UST: variants seen among roughly 807,000 people sequenced by gnomAD.
UST encodes uronyl 2-sulfotransferase.
A neutral mutation model predicts 45.6 loss-of-function variants in UST; 21 were observed. The ratio of observed to expected loss-of-function variants is 0.46; its 90% CI spans 0.33 to 0.66. The LOEUF is 0.66. Ranked by LOEUF, UST falls within the 30% of genes least tolerant of loss-of-function variation. The pLI is 0.02. For missense variants in UST, 463 were observed against 512.4 expected, an observed-to-expected ratio of 0.90 and a Z score of 0.93; for synonymous variants, 215 against 200.6, an observed-to-expected ratio of 1.07 and a Z score of -0.61.
At chr6:148,848,357 A>G (rs1451445729) in intron 1 of UST, among the ~76,000 whole-genome samples, 2 of 152,144 alleles carry the variant, frequency 1.3e-5, no homozygotes, top group Admixed American at 6.5e-5. Flanking sequence ...ACTAAGCACA[A>G]AGGCTTATTT....
intron 5 of UST, among the ~76,000 whole-genome samples, chr6:148,982,435 A>G (rs1781156887): frequency 6.6e-6 from 1 of 152,132 alleles, no homozygotes; most frequent in Non-Finnish European, 1.5e-5. Flanking sequence ...AGTCCCATTC[A>G]CAAGGGAAGA....
At chr6:149,057,984 G>A (rs894989652) in intron 7 of UST, among the ~76,000 whole-genome samples, 9 of 152,106 alleles carry the variant, frequency 5.9e-5, no homozygotes, top group African/African-American at 2.2e-4. Flanking sequence ...TGCACATCAT[G>A]TATACATGTA....
chr6:148,806,019 G>T (rs1433538115), intron 1 of UST, among the ~76,000 whole-genome samples: 2 of 152,012 alleles, frequency 1.3e-5, no homozygotes, highest in Non-Finnish European at 2.9e-5. Context: ...AGCTTTACAG[G>T]AACTGGGAGG....
chr6:149,044,171 A>C (rs1776365048), intron 7 of UST, among the ~76,000 whole-genome samples: 1 of 152,232 alleles, frequency 6.6e-6, no homozygotes, highest in Non-Finnish European at 1.5e-5. Context: ...CAGAGTCAAA[A>C]ACTGTAACTT....
chr6:148,862,555 T>C (rs1263737100), intron 1 of UST, among the ~76,000 whole-genome samples: 1 of 152,212 alleles, frequency 6.6e-6, no homozygotes, highest in East Asian at 1.9e-4. Flanking sequence ...GTTAGCTGCT[T>C]ATTTGGCTTG....
intron 1 of UST, among the ~76,000 whole-genome samples, chr6:148,757,294 G>A (rs1399321297): frequency 6.6e-6 from 1 of 152,234 alleles, no homozygotes; most frequent in East Asian, 1.9e-4. Flanking sequence ...TGTGCATACA[G>A]TTAGAATGCA....
chr6:148,776,466 G>T (rs1432205805), intron 1 of UST, among the ~76,000 whole-genome samples: 2 of 152,188 alleles, frequency 1.3e-5, no homozygotes, highest in Non-Finnish European at 2.9e-5. Flanking sequence ...CCAGTTTTGT[G>T]CAGAATCATC....
chr6:148,962,951 C>CACACA (rs1438901243), intron 4 of UST, among the ~76,000 whole-genome samples: 5 of 152,240 alleles, frequency 3.3e-5, no homozygotes, highest in African/African-American at 1.2e-4. Context: ...AACTGAGAGG[C>CACACA]ACACACTCAG....
At chr6:148,781,277 G>T (rs945403841) in intron 1 of UST, among the ~76,000 whole-genome samples, 1 of 152,170 alleles carries the variant, frequency 6.6e-6, no homozygotes, top group South Asian at 2.1e-4. Context: ...ACACGTGAAT[G>T]GTAAGAAAGC....
rs1368965654 is a variant in UST at position 148,959,064 on chromosome 6, G to C, written c.527+5113G>C. 2.0e-5 allele frequency: 3 copies of C among 152,170 alleles called. No homozygotes were observed. In the East Asian group the frequency reaches 5.8e-4, roughly 30 times the overall value. The allele number at this position is 152,170 out of a possible 1,614,324, so 9.4% of individuals were successfully genotyped here. On this transcript the variant is annotated intron_variant, in intron 4 of 7. Coordinates refer to ENST00000367463, the MANE Select transcript of UST (RefSeq NM_005715.3). ...TAACTTGCAAAAACAAACAAACAGT[G>C]TGAAAATTAGTCAATCACCAGAAAA...
intron 1 of UST, among the ~76,000 whole-genome samples, chr6:148,766,123 G>C (rs549315944): frequency 3.9e-5 from 6 of 152,148 alleles, no homozygotes; most frequent in African/African-American, 1.4e-4. Context: ...GTTTTGGTTA[G>C]GCTTATATCT....
chr6:148,917,628 A>G (rs1382933885), intron 2 of UST, among the ~76,000 whole-genome samples: 1 of 152,214 alleles, frequency 6.6e-6, no homozygotes, highest in Non-Finnish European at 1.5e-5. Flanking sequence ...GTATTACGAC[A>G]CTGTACTCAA....
chr6:148,941,166 C>A, intron 2 of UST, 113 bp from the exon 3 acceptor site: 1 of 1,215,328 alleles, frequency 8.2e-7, no homozygotes, highest in Non-Finnish European at 1.2e-6. Context: ...TGATTATAGG[C>A]CTTTTTCACT....
At chr6:149,039,411 A>T (rs1185836771) in intron 7 of UST, among the ~76,000 whole-genome samples, 1 of 152,018 alleles carries the variant, frequency 6.6e-6, no homozygotes, top group African/African-American at 2.4e-5. Context: ...TTTTTAGGAG[A>T]GACGGGGTTT....
At chr6:149,036,746 C>G (rs1408518079) in intron 7 of UST, among the ~76,000 whole-genome samples, 1 of 152,178 alleles carries the variant, frequency 6.6e-6, no homozygotes, top group African/African-American at 2.4e-5. Context: ...ATTTCAAAAG[C>G]AAAACTAACA....
intron 1 of UST, among the ~76,000 whole-genome samples, chr6:148,865,899 G>A (rs1222683411): frequency 2.0e-5 from 3 of 152,122 alleles, no homozygotes; most frequent in Non-Finnish European, 4.4e-5. Context: ...TGGAATGTAT[G>A]TCTGAGGCTT....
intron 1 of UST, among the ~76,000 whole-genome samples, chr6:148,791,745 G>A (rs1303308383): frequency 1.3e-5 from 2 of 152,138 alleles, no homozygotes; most frequent in Non-Finnish European, 2.9e-5. Flanking sequence ...CAATAAGGGG[G>A]ACATGTAAAT....
chr6:148,876,301 C>T (rs1778650078), intron 1 of UST, among the ~76,000 whole-genome samples: 3 of 152,182 alleles, frequency 2.0e-5, no homozygotes, highest in South Asian at 2.1e-4. Context: ...ACCCCCATGA[C>T]GCAAACACCT....
rs1046288684 is a variant in UST, at chr6:149,058,605, G to A, written c.938-15228G>A. Among the ~76,000 whole-genome samples the A allele has an allele frequency of 3.3e-5, 5 of 152,164 alleles. No homozygotes were observed. In the South Asian group the frequency reaches 6.3e-4, roughly 19 times the overall value. Reference sequence around the variant, plus strand: ...CCAGATGAAAAACCAGTTTGATCAGGATATCCTTATCAGTCACTGGGTCTG... The same window carrying A: ...CCAGATGAAAAACCAGTTTGATCAGAATATCCTTATCAGTCACTGGGTCTG... On this transcript the variant is annotated intron_variant, in intron 7 of 7. Transcript: ENST00000367463.
Sources: allele counts gnomAD v4.1 joint callset (sites outside exome capture counted in the v4.1 genomes callset), GRCh38; gene constraint gnomAD v4.1.1; transcripts MANE v1.5; gene names NCBI Gene and HGNC (gene_info 2026-07-23, HGNC 2026-07-21).